Variants in NPC1L1 observed in about 807,000 individuals in gnomAD.
The protein encoded by NPC1L1 is NPC1 like intracellular cholesterol transporter 1.
NPC1L1 carries 98 observed loss-of-function variants against 117.0 expected under a neutral mutation model. The ratio of observed to expected loss-of-function variants is 0.84; its 90% CI spans 0.71 to 0.99. The LOEUF (loss-of-function observed/expected upper bound fraction) is 0.99. Ranked by LOEUF, NPC1L1 falls within the 50% of genes least tolerant of loss-of-function variation. NPC1L1 has a pLI of 0.00. For synonymous variants in NPC1L1, 729 were observed against 727.6 expected (o/e 1.00, Z -0.03); for missense variants, 1,540 against 1,710.0 (o/e 0.90, Z 1.75).
In NPC1L1 at chr7:44,521,133, G is replaced by T; in HGVS notation, c.2954-15C>A. ...GTTCAGAGAGTCTGCAGAGAAAGCAGGGGTCTGGGCAGTGACACCCCAGGG... is the reference window on the plus strand; with the variant it reads ...GTTCAGAGAGTCTGCAGAGAAAGCATGGGTCTGGGCAGTGACACCCCAGGG... On this transcript the variant is annotated splice_polypyrimidine_tract_variant and intron_variant, in intron 12 of 18. Coordinates refer to ENST00000381160, the MANE Select transcript of NPC1L1 (RefSeq NM_001101648.2). 1 of 1,614,054 alleles carries T rather than the reference G, an allele frequency of 6.2e-7. No individual in the cohort carries two copies. Among genetic ancestry groups the T allele is most frequent in the South Asian group, 1.1e-5 (1 of 91,058 alleles).
intron 10 of NPC1L1, among the ~76,000 whole-genome samples, chr7:44,525,264 A>G (rs556980999): frequency 6.8e-6 from 1 of 148,022 alleles, no homozygotes; most frequent in South Asian, 2.1e-4. Context: ...GGATATTATA[A>G]TTTTTTTTTT....
At chr7:44,541,185 G>A (rs762522977) in intron 1 of NPC1L1, 21 bp downstream of exon 1, 3 of 1,549,204 alleles carry the variant, frequency 1.9e-6, no homozygotes, top group Non-Finnish European at 2.6e-6. Flanking sequence ...AGGGGAGGTG[G>A]AGCCAAGCCC....
chr7:44,537,128 G>A (rs906432630), intron 2 of NPC1L1, among the ~76,000 whole-genome samples, 186 bp from the exon 3 acceptor site: 4 of 152,156 alleles, frequency 2.6e-5, no homozygotes, highest in Middle Eastern at 3.2e-3. Context: ...GGACCCAGCC[G>A]AGTGGGTCCT....
intron 14 of NPC1L1, chr7:44,518,804 A>T: frequency 1.1e-6 from 1 of 946,800 alleles, no homozygotes. Flanking sequence ...AGAGCAGGGG[A>T]GGTGCCTGGA....
In NPC1L1 at chr7:44,516,786, C is replaced by T. The variant is rs1351293135; in HGVS notation, c.3436G>A (p.Val1146Ile). ...RSGLLNLLSI[V>I]MILVDTVGFM... The stretch of plus-strand genomic sequence containing the variant: ...CCGACAGTGTCCACGAGGATCATGA[C>T]AATGGAGAGCAGGTTGAGGAGGCCG... The change falls in exon 16 of 19, where the codon GTC becomes ATC. Residue 1146 changes from valine to isoleucine, a missense_variant. By Grantham distance (29) the Val-to-Ile change is conservative. Transcript: ENST00000381160. 4 of 1,613,822 alleles carry T rather than the reference C, an allele frequency of 2.5e-6. No homozygotes were observed. Among genetic ancestry groups the T allele is most frequent in the Middle Eastern group, 1.6e-4 (1 of 6,084 alleles).
intron 10 of NPC1L1, among the ~76,000 whole-genome samples, chr7:44,522,499 A>C (rs1243123373): frequency 1.3e-5 from 2 of 152,224 alleles, no homozygotes; most frequent in Non-Finnish European, 2.9e-5. Flanking sequence ...AGGTACATGC[A>C]CACAAGTACA....
rs376879962 is a variant in NPC1L1 at position 44,520,863 on chromosome 7, T to C, written c.3081-43A>G. 5.6e-6 allele frequency: 9 copies of C among 1,613,272 alleles called. No homozygotes were observed. In the African/African-American group the frequency reaches 1.2e-4, roughly 22 times the overall value. ...CAAAGGCTTAGCCAGGGACGAAGCTTCTTTCATCTGCCCAGCCCACAGCCA... is the reference window on the plus strand; with the variant it reads ...CAAAGGCTTAGCCAGGGACGAAGCTCCTTTCATCTGCCCAGCCCACAGCCA... On this transcript the variant is annotated intron_variant, in intron 13 of 18. Coordinates refer to ENST00000381160, the MANE Select transcript of NPC1L1 (RefSeq NM_001101648.2).
At chr7:44,527,200 T>C (rs2117046520) in intron 10 of NPC1L1, among the ~76,000 whole-genome samples, 1 of 152,216 alleles carries the variant, frequency 6.6e-6, no homozygotes, top group South Asian at 2.1e-4. Flanking sequence ...GGCTCATGCC[T>C]GTAATCCCAG....
rs781185834 is a variant in NPC1L1, at chr7:44,536,011, T to C, written c.1855-43A>G. The C allele has an allele frequency of 6.2e-7, 1 of 1,612,116 alleles. No homozygotes were observed. Among genetic ancestry groups the C allele is most frequent in the Non-Finnish European group, 8.5e-7 (1 of 1,179,852 alleles). The stretch of plus-strand genomic sequence containing the variant: ...ACCAGCCCCCACTGACCGTGCCTGC[T>C]TCAGCCAGGCCAGCTCTCAATAGCT... On this transcript the variant is annotated intron_variant, in intron 4 of 18. Coordinates refer to ENST00000381160, the MANE Select transcript of NPC1L1 (RefSeq NM_001101648.2). This position sits in a 1 kb window ranked among gnomAD's most constrained non-coding sequence, Gnocchi z 4.7.
chr7:44,531,110 C>A (rs141194043), intron 10 of NPC1L1, among the ~76,000 whole-genome samples: 303 of 152,332 alleles, frequency 2.0e-3, no homozygotes, highest in Non-Finnish European at 3.5e-3. Context: ...TTCCTCTTGG[C>A]CACCAGCCCA....
rs148723459 is a variant in NPC1L1, at chr7:44,518,422, G to A, written c.3137-1065C>T. 2.5e-3 allele frequency among the ~76,000 whole-genome samples: 380 copies of A among 152,002 alleles called. 3 individuals carry two copies. The highest frequency in any genetic ancestry group is 8.2e-3 in the African/African-American group (341 of 41,454). ...TGACCTCAAGTGATTCGCCGGCCTCGGTCTCCCAAACTGCTGGGATTACAG... is the reference window on the plus strand; with the variant it reads ...TGACCTCAAGTGATTCGCCGGCCTCAGTCTCCCAAACTGCTGGGATTACAG... On this transcript the variant is annotated intron_variant, in intron 14 of 18. Coordinates refer to ENST00000381160, the MANE Select transcript of NPC1L1 (RefSeq NM_001101648.2).
chr7:44,517,362 A>G lies in NPC1L1; in HGVS notation c.3137-5T>C. 6 of 1,610,214 alleles carry G rather than the reference A, an allele frequency of 3.7e-6. No homozygotes were observed. The highest frequency in any genetic ancestry group is 1.3e-5 in the African/African-American group (1 of 75,054). On this transcript the variant is annotated splice_region_variant and splice_polypyrimidine_tract_variant and intron_variant, in intron 14 of 18. Transcript: ENST00000381160. The stretch of plus-strand genomic sequence containing the variant: ...GATAGGCCATGAACCTGGAGGCTGG[A>G]CAGCCATGGCACACAGAAGATGGAA...
chr7:44,515,484 G>A (rs1243422999), intron 18 of NPC1L1, among the ~76,000 whole-genome samples: 1 of 152,184 alleles, frequency 6.6e-6, no homozygotes, highest in Non-Finnish European at 1.5e-5. Context: ...GCCCGTGCAT[G>A]TCACCTCTCT....
chr7:44,532,232 ACCCC>A lies in NPC1L1; in HGVS notation c.2410-19_2410-16del. The A allele has an allele frequency of 6.2e-7, 1 of 1,612,624 alleles. No homozygotes were observed. On this transcript the variant is annotated splice_polypyrimidine_tract_variant and intron_variant, in intron 8 of 18. Transcript: ENST00000381160. The stretch of plus-strand genomic sequence containing the variant: ...AACCGGGAGGCCTGGAGTGGGAGGC[ACCCC>A]CTCAAGGTAGTCCCAGAGCAGACAA...
chr7:44,534,687 C>A lies in NPC1L1; in HGVS notation c.1984-58G>T. 1 of 1,588,260 alleles carries A rather than the reference C, an allele frequency of 6.3e-7. No individual in the cohort carries two copies. The highest frequency in any genetic ancestry group is 2.2e-5 in the East Asian group (1 of 44,710). On this transcript the variant is annotated intron_variant, in intron 5 of 18. Transcript: ENST00000381160. The surrounding 1 kb of genome is among the most constrained non-coding windows in gnomAD (Gnocchi z 5.2). ...CTTAGCACCTACCCAGTATGCCCACCAGCCTCAGCTAGGCCAGACAAAGTA... is the reference window on the plus strand; with the variant it reads ...CTTAGCACCTACCCAGTATGCCCACAAGCCTCAGCTAGGCCAGACAAAGTA...
Position 44,535,859 on chromosome 7 carries a change from G to T in NPC1L1, c.1964C>A (p.Ser655Tyr). 1 of 1,613,284 alleles carries T rather than the reference G, an allele frequency of 6.2e-7. No homozygotes were observed. The highest frequency in any genetic ancestry group is 1.1e-5 in the South Asian group (1 of 91,028). The change falls in exon 5 of 19, where the codon TCC becomes TAC. Residue 655 changes from serine to tyrosine, a missense_variant. Physicochemically the swap from Ser to Tyr is moderately radical, Grantham distance 144. Around this residue, in one of 3 missense-constraint regions of NPC1L1, gnomAD observed 742 missense variants for 873.6 expected, o/e 0.85. Transcript: ENST00000381160. The stretch of plus-strand genomic sequence containing the variant: ...TCTCACCATCACTCGGCTCCAGCTG[G>T]AATAGCTGCCCAGGGCCAGAGAGAT... Reference protein sequence around the residue: ...LYISLALGSYSSWSRVMVDSK... With the variant: ...LYISLALGSYYSWSRVMVDSK...
At position 44,539,978 on chromosome 7, in the gene NPC1L1, G is replaced by A; in HGVS notation, c.419C>T (p.Thr140Ile). 1 of 1,614,248 alleles carries A rather than the reference G, an allele frequency of 6.2e-7. No homozygotes were observed. Among genetic ancestry groups the A allele is most frequent in the Non-Finnish European group, 8.5e-7 (1 of 1,180,042 alleles). The change falls in exon 2 of 19, where the codon ACC becomes ATC. Residue 140 changes from threonine to isoleucine, a missense_variant. By Grantham distance (89) the Thr-to-Ile change is moderately conservative. Coordinates refer to ENST00000381160, the MANE Select transcript of NPC1L1 (RefSeq NM_001101648.2). The surrounding 1 kb of genome is among the most constrained non-coding windows in gnomAD (Gnocchi z 4.4). ...TCCAGCCCCTAGCTGGGCCACGCGG[G>A]TCACATTGATGAAGAGGCTCTGATT... ...SPNQSLFINV[T>I]RVAQLGAGQL...
In NPC1L1 at chr7:44,536,785, G is replaced by A. The variant is rs1053692614; in HGVS notation, c.1681+57C>T. 4 of 1,482,204 alleles carry A rather than the reference G, an allele frequency of 2.7e-6. No individual in the cohort carries two copies. Among genetic ancestry groups the A allele is most frequent in the African/African-American group, 1.4e-5 (1 of 72,178 alleles). 91.8% of individuals were successfully genotyped at this position (1,482,204 alleles called of 1,614,324 possible). A position where few individuals can be genotyped will look rare whatever the true frequency, so the allele number is the denominator to read the frequency against. ...CACCACTCCCACCCTCCCGTCTATG[G>A]TTCCTGCCCCAATACTGCATCTTCC... is the stretch of plus-strand genomic sequence containing the variant. On this transcript the variant is annotated intron_variant, in intron 3 of 18. Coordinates refer to ENST00000381160, the MANE Select transcript of NPC1L1 (RefSeq NM_001101648.2). The surrounding 1 kb of genome is among the most constrained non-coding windows in gnomAD (Gnocchi z 4.7).
intron 16 of NPC1L1, among the ~76,000 whole-genome samples, chr7:44,516,454 AT>A (rs1467771725): frequency 2.0e-5 from 3 of 151,454 alleles, no homozygotes; most frequent in African/African-American, 7.3e-5. Flanking sequence ...AAAAATTAAA[AT>A]ATTAGCTGGA....
Sources: allele counts gnomAD v4.1 joint callset (sites outside exome capture counted in the v4.1 genomes callset), GRCh38; gene constraint gnomAD v4.1.1; regional missense constraint gnomAD v4.1.1; non-coding constraint Gnocchi (gnomAD v3.1); transcripts MANE v1.5; gene names NCBI Gene and HGNC (gene_info 2026-07-23, HGNC 2026-07-21).